The following HS3ST4 variants were observed in gnomAD, a reference collection of about 807,000 sequenced individuals.
The protein encoded by HS3ST4 is heparan sulfate-glucosamine 3-sulfotransferase 4, also known as heparan sulfate glucosamine 3-O-sulfotransferase 4.
A neutral mutation model predicts 29.2 loss-of-function variants in HS3ST4; 17 were observed. The ratio of observed to expected loss-of-function variants is 0.58; its 90% CI spans 0.40 to 0.87. The LOEUF (loss-of-function observed/expected upper bound fraction) is 0.87, where lower values mean the gene tolerates loss of function less well. Among genes scored for constraint, HS3ST4 ranks in the 40% least tolerant of loss-of-function variants. The pLI, the probability that HS3ST4 is intolerant of heterozygous loss-of-function variation, is 0.00. For synonymous variants in HS3ST4, 314 were observed against 285.7 expected, an observed-to-expected ratio of 1.10 and a Z score of -1.00; for missense variants, 627 against 634.5, an observed-to-expected ratio of 0.99 and a Z score of 0.13.
intron 1 of HS3ST4, among the ~76,000 whole-genome samples, chr16:25,873,627 C>CCCAT (rs1967792180): frequency 7.1e-6 from 1 of 140,342 alleles, no homozygotes; most frequent in Admixed American, 7.3e-5. Flanking sequence ...AATCTACCCA[C>CCCAT]CCATCCATTC....
intron 1 of HS3ST4, among the ~76,000 whole-genome samples, chr16:25,727,845 C>T (rs910967083): frequency 2.4e-4 from 36 of 152,130 alleles, no homozygotes; most frequent in Non-Finnish European, 3.4e-4. Flanking sequence ...GACAAAAATA[C>T]ACATGTGCAC....
Position 25,718,197 on chromosome 16 carries a change from G to A in HS3ST4, c.734+25046G>A, listed in dbSNP as rs997416336. Among the ~76,000 whole-genome samples the A allele has an allele frequency of 3.9e-5, 6 of 152,132 alleles. 1 individual carries two copies. Among genetic ancestry groups the A allele is most frequent in the African/African-American group, 1.2e-4 (5 of 41,422 alleles). On this transcript the variant is annotated intron_variant, in intron 1 of 1. Coordinates refer to ENST00000331351, the MANE Select transcript of HS3ST4 (RefSeq NM_006040.3). ...CTATACCCACTTCCTTTGAAGAACT[G>A]TTAATCCAGTCATAGGGTTTTTGGT...
chr16:25,959,054 A>T (rs1045896228), intron 1 of HS3ST4, among the ~76,000 whole-genome samples: 2 of 152,220 alleles, frequency 1.3e-5, no homozygotes, highest in African/African-American at 4.8e-5. Flanking sequence ...CCACATGAGG[A>T]GTTGGGAGTG....
chr16:26,039,031 T>C (rs1488988952), intron 1 of HS3ST4, among the ~76,000 whole-genome samples: 2 of 152,232 alleles, frequency 1.3e-5, no homozygotes, highest in South Asian at 2.1e-4. Flanking sequence ...CTCGGTGACA[T>C]CAGAGATAAG....
intron 1 of HS3ST4, among the ~76,000 whole-genome samples, chr16:26,071,161 C>G (rs546683775): frequency 2.9e-4 from 44 of 152,316 alleles, no homozygotes; most frequent in Non-Finnish European, 5.3e-4. Context: ...CGTCCCTACA[C>G]GAGCTCCACA....
intron 1 of HS3ST4, among the ~76,000 whole-genome samples, chr16:26,118,318 A>G (rs1899225760): frequency 6.6e-6 from 1 of 152,150 alleles, no homozygotes; most frequent in South Asian, 2.1e-4. Flanking sequence ...GGGTTCAAGC[A>G]ATCCTTCTGC....
chr16:26,127,939 A>AT (rs1037327126), intron 1 of HS3ST4, among the ~76,000 whole-genome samples: 89 of 152,036 alleles, frequency 5.9e-4, no homozygotes, highest in Admixed American at 2.0e-4. Flanking sequence ...TGCTTCTTTC[A>AT]TTTTTTCTCA....
At chr16:26,054,151 C>T (rs2141767349) in intron 1 of HS3ST4, among the ~76,000 whole-genome samples, 1 of 152,082 alleles carries the variant, frequency 6.6e-6, no homozygotes, top group East Asian at 1.9e-4. Context: ...GCAAGAGGAA[C>T]AAATATTTGT....
chr16:25,866,978 C>T (rs1187614768), intron 1 of HS3ST4, among the ~76,000 whole-genome samples: 1 of 152,168 alleles, frequency 6.6e-6, no homozygotes, highest in South Asian at 2.1e-4. Flanking sequence ...CTTATATTCA[C>T]TACTTTGTGA....
chr16:26,110,399 G>C (rs528118073), intron 1 of HS3ST4, among the ~76,000 whole-genome samples: 1 of 152,248 alleles, frequency 6.6e-6, no homozygotes, highest in South Asian at 2.1e-4. Context: ...AACATACCAT[G>C]TGTGAAGCAG....
chr16:26,134,362 C>CTTTTCTTTTCTTTTTTTT (rs750289979), intron 1 of HS3ST4, among the ~76,000 whole-genome samples: 1 of 76,810 alleles, frequency 1.3e-5, no homozygotes, highest in African/African-American at 4.7e-5. Flanking sequence ...CTTTTCTTTT[C>CTTTTCTTTTCTTTTTTTT]TTTTTTTTTT....
At chr16:25,695,221 A>C (rs1208604169) in intron 1 of HS3ST4, among the ~76,000 whole-genome samples, 1 of 152,210 alleles carries the variant, frequency 6.6e-6, no homozygotes, top group Non-Finnish European at 1.5e-5. Flanking sequence ...GGATAGAACA[A>C]GATTCCCCTG....
At chr16:26,089,356 C>A (rs1247573515) in intron 1 of HS3ST4, among the ~76,000 whole-genome samples, 2 of 152,118 alleles carry the variant, frequency 1.3e-5, no homozygotes, top group East Asian at 1.9e-4. Context: ...ATGACCCTGA[C>A]AGTACTGATA....
At chr16:25,885,106 T>C (rs1952431851) in intron 1 of HS3ST4, among the ~76,000 whole-genome samples, 1 of 152,196 alleles carries the variant, frequency 6.6e-6, no homozygotes. Flanking sequence ...AACCTTGATG[T>C]CCAAAGCTGC....
intron 1 of HS3ST4, among the ~76,000 whole-genome samples, chr16:25,852,772 G>A (rs1967534578): frequency 6.6e-6 from 1 of 151,676 alleles, no homozygotes; most frequent in Non-Finnish European, 1.5e-5. Context: ...TTTGTTTCAT[G>A]CTTCATATTT....
chr16:26,007,705 A>C (rs72778345), intron 1 of HS3ST4, among the ~76,000 whole-genome samples: 24,020 of 152,102 alleles, frequency 0.16, 1,996 homozygotes, highest in Admixed American at 0.19. Flanking sequence ...GCCTTCACTC[A>C]TCAGATGCCG....
chr16:26,027,478 G>C (rs1969487963), intron 1 of HS3ST4, among the ~76,000 whole-genome samples: 1 of 152,062 alleles, frequency 6.6e-6, no homozygotes, highest in Admixed American at 6.5e-5. Context: ...TCATTATTTA[G>C]GTCCACATTT....
At chr16:25,990,546 AT>A (rs1183477479) in intron 1 of HS3ST4, among the ~76,000 whole-genome samples, 2 of 152,376 alleles carry the variant, frequency 1.3e-5, no homozygotes, top group East Asian at 3.9e-4. Context: ...ATTAAATGAC[AT>A]CATGCACATA....
chr16:25,883,218 A>G (rs557440354), intron 1 of HS3ST4, among the ~76,000 whole-genome samples: 4 of 146,840 alleles, frequency 2.7e-5, no homozygotes, highest in Admixed American at 7.0e-5. Context: ...TTCTACGCCT[A>G]TTAGTTAGCC....
Sources: gnomAD v4.1 joint callset for allele counts (sites outside exome capture counted in the v4.1 genomes callset) on GRCh38, gnomAD v4.1.1 for gene constraint, MANE v1.5 for transcripts, NCBI Gene and HGNC (gene_info 2026-07-23, HGNC 2026-07-21) for gene names.